The following SPHKAP variants were observed in gnomAD, a reference collection of about 807,000 sequenced individuals.
SPHKAP encodes the protein A-kinase anchor protein SPHKAP.
Under a neutral mutation model 137.5 loss-of-function variants are expected in SPHKAP, and 67 were observed. The ratio of observed to expected loss-of-function variants is 0.49; its 90% CI spans 0.40 to 0.60. SPHKAP has a LOEUF of 0.60. Ranked by LOEUF, SPHKAP falls within the 20% of genes least tolerant of loss-of-function variation. The pLI, the probability that SPHKAP is intolerant of heterozygous loss-of-function variation, is 0.00. For missense variants in SPHKAP, 2,097 were observed against 2,069.3 expected (o/e 1.01, Z -0.26); for synonymous variants, 813 against 785.3 (o/e 1.04, Z -0.59).
chr2:228,140,940 T>C (rs949984769), intron 1 of SPHKAP, among the ~76,000 whole-genome samples: 1 of 152,220 alleles, frequency 6.6e-6, no homozygotes, highest in Admixed American at 6.5e-5. Context: ...TGCAGAACTA[T>C]GAGCCAATTA....
chr2:228,096,414 T>C (rs920493041), intron 3 of SPHKAP, among the ~76,000 whole-genome samples: 3 of 151,972 alleles, frequency 2.0e-5, no homozygotes, highest in Non-Finnish European at 4.4e-5. Flanking sequence ...TGCAGACTGG[T>C]TCCAGAACAA....
At chr2:227,996,181 T>A in intron 7 of SPHKAP, 1 of 969,882 alleles carries the variant, frequency 1.0e-6, no homozygotes, top group Non-Finnish European at 1.2e-6. Context: ...ACTGACTTGG[T>A]AAAAAGCAAG....
chr2:228,000,575 G>A (rs575902433), intron 7 of SPHKAP, among the ~76,000 whole-genome samples: 30 of 151,828 alleles, frequency 2.0e-4, no homozygotes, highest in South Asian at 4.2e-4. Flanking sequence ...CCAAGATGGC[G>A]CCACTGCACT....
At position 228,025,454 on chromosome 2, in the gene SPHKAP, T is replaced by A; in HGVS notation, c.381A>T (p.Glu127Asp). The change falls in exon 5 of 12, where the codon GAA becomes GAT. Residue 127 changes from glutamate to aspartate, a missense_variant. Coordinates refer to ENST00000392056, the MANE Select transcript of SPHKAP (RefSeq NM_001142644.2). The stretch of plus-strand genomic sequence containing the variant: ...AGGCTAACCCACTTAGGACAACAAT[T>A]TCATTTTCTTTTGGTTGTTGGACAT... ...SMNVQQPKENEIVVLSGLASG... is the reference protein window; with the variant it reads ...SMNVQQPKENDIVVLSGLASG... 6.2e-7 allele frequency: 1 copy of A among 1,613,958 alleles called. No individual in the cohort carries two copies. Among genetic ancestry groups the A allele is most frequent in the Non-Finnish European group, 8.5e-7 (1 of 1,179,916 alleles).
In SPHKAP at chr2:228,017,580, C is replaced by G. The variant is rs776311963; in HGVS notation, c.3274G>C (p.Glu1092Gln). The change falls in exon 7 of 12, where the codon GAG becomes CAG. Residue 1092 changes from glutamate to glutamine, a missense_variant. By Grantham distance (29) the Glu-to-Gln change is conservative. Transcript: ENST00000392056. ...AGGCTGTTGACATAGGCCCTGGCCT[C>G]GGAGTCTTCCTCAGGAATGCTTTCG... ...SCESIPEEDSEARAYVNSLGL... is the reference protein window; with the variant it reads ...SCESIPEEDSQARAYVNSLGL... 4.3e-6 allele frequency: 7 copies of G among 1,613,846 alleles called. No homozygotes were observed. Among genetic ancestry groups the G allele is most frequent in the Non-Finnish European group, 5.9e-6 (7 of 1,180,018 alleles).
At chr2:228,092,078 T>C (rs1304356570) in intron 3 of SPHKAP, among the ~76,000 whole-genome samples, 1 of 147,974 alleles carries the variant, frequency 6.8e-6, no homozygotes, top group Non-Finnish European at 1.5e-5. Context: ...TGTCTATATA[T>C]GTATATATAT....
At chr2:228,062,070 C>T (rs1027335475) in intron 3 of SPHKAP, among the ~76,000 whole-genome samples, 1 of 151,998 alleles carries the variant, frequency 6.6e-6, no homozygotes, top group Non-Finnish European at 1.5e-5. Flanking sequence ...TACAAAGAAA[C>T]CCAGATTTTT....
At chr2:228,118,728 C>G (rs183150929) in intron 2 of SPHKAP, among the ~76,000 whole-genome samples, 1 of 152,098 alleles carries the variant, frequency 6.6e-6, no homozygotes, top group East Asian at 1.9e-4. Flanking sequence ...TTAATGTTAG[C>G]TTTGGAATGC....
In SPHKAP at chr2:228,160,605, C is replaced by T. The variant is rs554605757; in HGVS notation, c.32+20962G>A. Among the ~76,000 whole-genome samples the T allele has an allele frequency of 3.3e-5, 5 of 152,222 alleles. No individual in the cohort carries two copies. The South Asian group carries it at 1.0e-3, about 32-fold the overall frequency. ...ATCGCCCCTATGATTTAATTAACTC[C>T]CACCAGATCCCTCCCATGACACTTG... On this transcript the variant is annotated intron_variant, in intron 1 of 11. Coordinates refer to ENST00000392056, the MANE Select transcript of SPHKAP (RefSeq NM_001142644.2).
At chr2:228,151,283 A>G (rs1574898120) in intron 1 of SPHKAP, among the ~76,000 whole-genome samples, 1 of 151,790 alleles carries the variant, frequency 6.6e-6, no homozygotes, top group Non-Finnish European at 1.5e-5. Context: ...TTATGGCTGC[A>G]TAGTATTTCA....
intron 1 of SPHKAP, among the ~76,000 whole-genome samples, chr2:228,158,293 T>C (rs2106409259): frequency 6.6e-6 from 1 of 151,720 alleles, no homozygotes; most frequent in East Asian, 2.0e-4. Flanking sequence ...AATACACATA[T>C]ATAAGATAAT....
intron 3 of SPHKAP, among the ~76,000 whole-genome samples, chr2:228,082,745 C>T (rs2106316793): frequency 1.3e-5 from 2 of 152,322 alleles, no homozygotes; most frequent in Middle Eastern, 6.8e-3. Context: ...GACTCAGTTG[C>T]ATCATTCAAG....
chr2:228,166,766 C>T (rs13431813), intron 1 of SPHKAP, among the ~76,000 whole-genome samples: 2,018 of 152,208 alleles, frequency 0.013, 46 homozygotes, highest in African/African-American at 0.046. Flanking sequence ...ATCATTCTTG[C>T]ATTGCTATGA....
At chr2:228,125,058 G>A (rs1035222306) in intron 2 of SPHKAP, among the ~76,000 whole-genome samples, 9 of 152,168 alleles carry the variant, frequency 5.9e-5, no homozygotes, top group African/African-American at 1.9e-4. Flanking sequence ...AACCTGAAGT[G>A]TTTTCAGTCT....
At chr2:228,049,268 T>TA (rs1168649256) in intron 3 of SPHKAP, among the ~76,000 whole-genome samples, 2 of 152,236 alleles carry the variant, frequency 1.3e-5, no homozygotes, top group South Asian at 2.1e-4. Flanking sequence ...TAATTACCTT[T>TA]AAAAAATCTG....
intron 3 of SPHKAP, among the ~76,000 whole-genome samples, chr2:228,039,045 T>C (rs1695740346): frequency 6.6e-6 from 1 of 152,230 alleles, no homozygotes; most frequent in Non-Finnish European, 1.5e-5. Flanking sequence ...AGAATCATAA[T>C]TGGTAATAAA....
At chr2:228,153,473 C>G (rs867269337) in intron 1 of SPHKAP, among the ~76,000 whole-genome samples, 11 of 152,278 alleles carry the variant, frequency 7.2e-5, no homozygotes, top group Non-Finnish European at 1.5e-4. Context: ...CTTGCAAGAT[C>G]TCTTCACTGA....
At chr2:228,128,264 C>A (rs1323679740) in intron 2 of SPHKAP, among the ~76,000 whole-genome samples, 4 of 152,172 alleles carry the variant, frequency 2.6e-5, no homozygotes, top group Non-Finnish European at 4.4e-5. Context: ...TATTCTGAAT[C>A]CTTTGTTGTC....
intron 3 of SPHKAP, among the ~76,000 whole-genome samples, chr2:228,086,000 CTA>C (rs1207788722): frequency 6.6e-6 from 1 of 152,112 alleles, no homozygotes; most frequent in Non-Finnish European, 1.5e-5. Flanking sequence ...ACTGTGGACT[CTA>C]TGTTTACAAA....
Sources: allele counts gnomAD v4.1 joint callset (sites outside exome capture counted in the v4.1 genomes callset), GRCh38; gene constraint gnomAD v4.1.1; transcripts MANE v1.5; gene names NCBI Gene and HGNC (gene_info 2026-07-23, HGNC 2026-07-21).